LRP1B: variants seen among roughly 807,000 people sequenced by gnomAD.
LRP1B encodes LDL receptor related protein 1B.
Under a neutral mutation model 556.6 loss-of-function variants are expected in LRP1B, and 217 were observed. The ratio of observed to expected loss-of-function variants is 0.39; its 90% CI spans 0.35 to 0.44. The LOEUF (loss-of-function observed/expected upper bound fraction) is 0.44. LRP1B is among the 20% of genes least tolerant of loss of function. The pLI is 1.00. For synonymous variants in LRP1B, 2,047 were observed against 1,865.8 expected, an observed-to-expected ratio of 1.10 and a Z score of -2.50; for missense variants, 5,053 against 5,620.8, an observed-to-expected ratio of 0.90 and a Z score of 3.23.
At chr2:141,738,814 T>C (rs1445704045) in intron 2 of LRP1B, among the ~76,000 whole-genome samples, 5 of 152,268 alleles carry the variant, frequency 3.3e-5, no homozygotes, top group Middle Eastern at 3.4e-3. Flanking sequence ...CTCAGTTATA[T>C]TCAATCTTAT....
At chr2:141,704,437 T>C (rs1692064567) in intron 2 of LRP1B, among the ~76,000 whole-genome samples, 1 of 151,972 alleles carries the variant, frequency 6.6e-6, no homozygotes, top group South Asian at 2.1e-4. Flanking sequence ...CTAATTCATT[T>C]TATTCAACGT....
intron 2 of LRP1B, among the ~76,000 whole-genome samples, chr2:141,626,711 G>A (rs1219889847): frequency 6.6e-6 from 1 of 152,150 alleles, no homozygotes; most frequent in Admixed American, 6.5e-5. Flanking sequence ...TCAACATCAT[G>A]TATCATCAGG....
chr2:141,528,595 A>G (rs1365143469), intron 2 of LRP1B, among the ~76,000 whole-genome samples: 1 of 152,078 alleles, frequency 6.6e-6, no homozygotes, highest in African/African-American at 2.4e-5. Context: ...TATAGTACAC[A>G]CAAATATTTC....
chr2:141,464,008 G>A (rs1682057133), intron 3 of LRP1B, among the ~76,000 whole-genome samples: 1 of 151,790 alleles, frequency 6.6e-6, no homozygotes, highest in Non-Finnish European at 1.5e-5. Context: ...AGCCACATTT[G>A]TCTCAGTTCC....
chr2:140,724,320 AT>A (rs1687514792), intron 35 of LRP1B, among the ~76,000 whole-genome samples: 1 of 152,158 alleles, frequency 6.6e-6, no homozygotes, highest in African/African-American at 2.4e-5. Context: ...CTTCATCTCT[AT>A]AAAAAAATAA....
chr2:140,915,026 G>T (rs936253428), intron 21 of LRP1B, among the ~76,000 whole-genome samples: 3 of 152,114 alleles, frequency 2.0e-5, no homozygotes, highest in African/African-American at 7.2e-5. Flanking sequence ...GGCAGAGTAG[G>T]ACTCAAAACA....
In LRP1B at chr2:140,293,610, TAG is replaced by T. The variant is rs1024216606; in HGVS notation, c.12967+4196_12967+4197del. Among the ~76,000 whole-genome samples the T allele has an allele frequency of 4.2e-4, 64 of 152,292 alleles. 1 individual carries two copies. The Middle Eastern group carries it at 0.01, about 24-fold the overall frequency. ...AACCATTCTGTCATTCCTTCTTTTA[TAG>T]AGAGAAGATTTTGTATATGCAAGAT... is the stretch of plus-strand genomic sequence containing the variant. On this transcript the variant is annotated intron_variant, in intron 84 of 90. Transcript: ENST00000389484.
rs539494960 is a variant in LRP1B, at chr2:141,339,152, G to GT, written c.344-84512dup. ...TAAGACTTAACATGCTTCCTCTGGT[G>GT]TTTTTTTATATGACTTTTTTCAAAA... On this transcript the variant is annotated intron_variant, in intron 3 of 90. Coordinates refer to ENST00000389484, the MANE Select transcript of LRP1B (RefSeq NM_018557.3). 2.7e-4 allele frequency among the ~76,000 whole-genome samples: 41 copies of GT among 151,636 alleles called. 1 individual carries two copies. Among genetic ancestry groups the GT allele is most frequent in the Admixed American group, 2.4e-3 (36 of 15,244 alleles).
intron 2 of LRP1B, among the ~76,000 whole-genome samples, chr2:141,583,225 T>C (rs540891366): frequency 2.6e-5 from 4 of 152,014 alleles, no homozygotes; most frequent in Non-Finnish European, 4.4e-5. Context: ...AACTGAAAAA[T>C]TGTATGGAAA....
At chr2:141,457,068 C>T (rs1455980449) in intron 3 of LRP1B, among the ~76,000 whole-genome samples, 1 of 152,122 alleles carries the variant, frequency 6.6e-6, no homozygotes, top group African/African-American at 2.4e-5. Flanking sequence ...TGATTATTAC[C>T]TTACCTTACT....
chr2:142,126,452 G>A (rs140430453), intron 1 of LRP1B, among the ~76,000 whole-genome samples: 17 of 151,894 alleles, frequency 1.1e-4, no homozygotes, highest in South Asian at 8.3e-4. Flanking sequence ...GATTAAAAAC[G>A]GGGTTGGGGG....
intron 1 of LRP1B, among the ~76,000 whole-genome samples, chr2:141,839,982 T>C (rs1319235688): frequency 6.6e-6 from 1 of 152,158 alleles, no homozygotes; most frequent in African/African-American, 2.4e-5. Flanking sequence ...TTAATAGCCC[T>C]GGAATGAGTT....
intron 1 of LRP1B, among the ~76,000 whole-genome samples, chr2:142,029,726 T>C (rs917225319): frequency 7.2e-5 from 11 of 152,022 alleles, no homozygotes; most frequent in African/African-American, 2.6e-4. Context: ...AAGCCCATCA[T>C]ATTTATCTTC....
At chr2:141,587,382 C>A (rs1250983007) in intron 2 of LRP1B, among the ~76,000 whole-genome samples, 1 of 152,248 alleles carries the variant, frequency 6.6e-6, no homozygotes, top group Non-Finnish European at 1.5e-5. Flanking sequence ...AATAGGTGTG[C>A]TACTTTCTAT....
At chr2:140,507,157 C>G (rs886675250) in intron 52 of LRP1B, among the ~76,000 whole-genome samples, 27 of 152,000 alleles carry the variant, frequency 1.8e-4, no homozygotes, top group African/African-American at 6.0e-4. Context: ...TTCAACTATT[C>G]CAGAGTGACC....
At chr2:140,986,341 C>T (rs976070186) in intron 17 of LRP1B, among the ~76,000 whole-genome samples, 5 of 152,104 alleles carry the variant, frequency 3.3e-5, no homozygotes, top group East Asian at 1.9e-4. Flanking sequence ...TCTCTCTCTT[C>T]GTGCACAGGT....
At chr2:140,990,685 T>C (rs1019793367) in intron 16 of LRP1B, among the ~76,000 whole-genome samples, 1 of 152,054 alleles carries the variant, frequency 6.6e-6, no homozygotes, top group Admixed American at 6.6e-5. Context: ...AAACTTCCAA[T>C]ATCCAAGCAC....
rs529230536 is a variant in LRP1B, at chr2:141,261,402, C to T, written c.344-6761G>A. 9.2e-5 allele frequency among the ~76,000 whole-genome samples: 14 copies of T among 152,212 alleles called. No homozygotes were observed. The South Asian group carries it at 1.2e-3, about 14-fold the overall frequency. On this transcript the variant is annotated intron_variant, in intron 3 of 90. Transcript: ENST00000389484. ...ATTCAGCAAAATTCATTCTTTCTCA[C>T]GTACAATGCTGCAAGTTTTGATAAA...
intron 84 of LRP1B, among the ~76,000 whole-genome samples, chr2:140,287,608 G>A (rs1683198581): frequency 6.7e-6 from 1 of 149,722 alleles, no homozygotes; most frequent in Non-Finnish European, 1.5e-5. Flanking sequence ...ATTACCATGG[G>A]TTTAGACATG....
Sources: allele counts gnomAD v4.1 joint callset (sites outside exome capture counted in the v4.1 genomes callset), GRCh38; gene constraint gnomAD v4.1.1; transcripts MANE v1.5; gene names NCBI Gene and HGNC (gene_info 2026-07-23, HGNC 2026-07-21).